GNAL: variants seen among roughly 807,000 people sequenced by gnomAD.
GNAL encodes the protein G protein subunit alpha L.
Under a neutral mutation model 55.1 loss-of-function variants are expected in GNAL, and 18 were observed. That is an observed-to-expected ratio of 0.33 (90% CI 0.23 to 0.48). The LOEUF is 0.48. Among genes scored for constraint, GNAL ranks in the 20% least tolerant of loss-of-function variants. GNAL has a pLI of 0.99. For synonymous variants in GNAL, 253 were observed against 237.0 expected, an observed-to-expected ratio of 1.07 and a Z score of -0.62; for missense variants, 412 against 614.1, an observed-to-expected ratio of 0.67 and a Z score of 3.48.
At chr18:11,744,319 A>G (rs952426046) in intron 1 of GNAL, among the ~76,000 whole-genome samples, 3 of 152,246 alleles carry the variant, frequency 2.0e-5, no homozygotes, top group Non-Finnish European at 4.4e-5. Context: ...TTATTTCAAT[A>G]CATTCTAAAA....
rs749198189 is a variant in GNAL, at chr18:11,705,750, C to CTT, written c.376+15831_376+15832dup. Among the ~76,000 whole-genome samples, 241 of 118,326 alleles carry CTT rather than the reference C, an allele frequency of 2.0e-3. 2 individuals carry two copies. Among genetic ancestry groups the CTT allele is most frequent in the African/African-American group, 4.5e-3 (145 of 31,900 alleles). The allele number at this position is 118,326 out of a possible 152,430, so 77.6% of individuals were successfully genotyped here. On this transcript the variant is annotated intron_variant, in intron 1 of 11. Coordinates refer to ENST00000334049, the MANE Select transcript of GNAL (RefSeq NM_182978.4). Reference sequence around the variant, plus strand: ...ATATACCTGCTGGACATTTCTATGTCTTTTTTTTTTTTTTTTTTTTTCTGA... The same window carrying CTT: ...ATATACCTGCTGGACATTTCTATGTCTTTTTTTTTTTTTTTTTTTTTTTCTGA...
chr18:11,734,432 C>T (rs1024337582), intron 1 of GNAL, among the ~76,000 whole-genome samples: 1 of 151,892 alleles, frequency 6.6e-6, no homozygotes, highest in African/African-American at 2.4e-5. Flanking sequence ...TGACCCACCG[C>T]GCCGGGTGTA....
At chr18:11,880,378 G>A (rs1041348595) in intron 11 of GNAL, among the ~76,000 whole-genome samples, 1 of 151,800 alleles carries the variant, frequency 6.6e-6, no homozygotes, top group African/African-American at 2.4e-5. Context: ...AGACCAGCCT[G>A]GCCAACATGG....
intron 1 of GNAL, among the ~76,000 whole-genome samples, chr18:11,713,014 G>A (rs1006543016): frequency 2.0e-5 from 3 of 152,188 alleles, no homozygotes; most frequent in Admixed American, 2.0e-4. Flanking sequence ...ACCATATGGG[G>A]CAACTGCGCT....
intron 4 of GNAL, among the ~76,000 whole-genome samples, chr18:11,800,693 G>A (rs913523112): frequency 2.0e-5 from 3 of 152,148 alleles, no homozygotes; most frequent in Admixed American, 2.0e-4. Flanking sequence ...GGGGCCAGGC[G>A]GCCTCTGGGA....
Position 11,885,366 on chromosome 18 carries a change from T to C in GNAL, c.*4231T>C. 1 of 337,654 alleles carries C rather than the reference T, an allele frequency of 3.0e-6. No homozygotes were observed. The highest frequency in any genetic ancestry group is 3.6e-5 in the South Asian group (1 of 27,438). 20.9% of individuals were successfully genotyped at this position (337,654 alleles called of 1,614,324 possible). On this transcript the variant is annotated 3_prime_UTR_variant, in exon 12 of 12. Transcript: ENST00000334049. Reference sequence around the variant, plus strand: ...TGGCTGAGTATAGCTAATGAATAAATGGTTGTTTCTTTAGAAAATTAAACA... The same window carrying C: ...TGGCTGAGTATAGCTAATGAATAAACGGTTGTTTCTTTAGAAAATTAAACA...
At chr18:11,778,786 T>G (rs1396746525) in intron 4 of GNAL, among the ~76,000 whole-genome samples, 1 of 152,078 alleles carries the variant, frequency 6.6e-6, no homozygotes. Flanking sequence ...TTATAGATAG[T>G]AACCTTATCT....
intron 9 of GNAL, among the ~76,000 whole-genome samples, chr18:11,871,972 A>G (rs2036408200): frequency 1.3e-5 from 2 of 152,256 alleles, no homozygotes; most frequent in Admixed American, 1.3e-4. Flanking sequence ...ATGAAAATGC[A>G]AAGTGTCAAA....
At chr18:11,695,922 GCACACACACACACA>G (rs10661294) in intron 1 of GNAL, among the ~76,000 whole-genome samples, 2 of 136,052 alleles carry the variant, frequency 1.5e-5, no homozygotes, top group Non-Finnish European at 3.1e-5. Flanking sequence ...ATGCACGCAT[GCACACACACACACA>G]CACACACACA....
chr18:11,861,543 A>G (rs2036137840), intron 5 of GNAL, among the ~76,000 whole-genome samples: 1 of 152,214 alleles, frequency 6.6e-6, no homozygotes, highest in African/African-American at 2.4e-5. Context: ...GAAGATAAAT[A>G]ACAACAGATC....
At chr18:11,858,618 G>T (rs1373824807) in intron 5 of GNAL, among the ~76,000 whole-genome samples, 4 of 152,180 alleles carry the variant, frequency 2.6e-5, no homozygotes, top group Admixed American at 2.0e-4. Context: ...AAGGCAGAAG[G>T]CTGGCAGAAA....
intron 8 of GNAL, 33 bp downstream of exon 8, chr18:11,867,259 A>C (rs994961450): frequency 1.0e-5 from 14 of 1,337,262 alleles, no homozygotes; most frequent in Non-Finnish European, 1.4e-5. Context: ...AGAAAATAGG[A>C]GTGAATTCTA....
At chr18:11,880,059 C>T (rs1376606293) in intron 11 of GNAL, among the ~76,000 whole-genome samples, 1 of 150,620 alleles carries the variant, frequency 6.6e-6, no homozygotes, top group African/African-American at 2.4e-5. Context: ...GAGTTCAAGA[C>T]CAGCCTGACC....
intron 1 of GNAL, among the ~76,000 whole-genome samples, chr18:11,695,143 T>C (rs1394693553): frequency 1.3e-5 from 2 of 152,192 alleles, no homozygotes; most frequent in Non-Finnish European, 1.5e-5. Context: ...GTGCCCTGTC[T>C]AAAAGGGACA....
chr18:11,709,137 C>G (rs936942890), intron 1 of GNAL, among the ~76,000 whole-genome samples: 7 of 152,094 alleles, frequency 4.6e-5, no homozygotes, highest in African/African-American at 1.4e-4. Context: ...TTTCTGGACT[C>G]TCTATTCTCT....
At chr18:11,759,977 G>A (rs1385862840) in intron 4 of GNAL, among the ~76,000 whole-genome samples, 2 of 151,908 alleles carry the variant, frequency 1.3e-5, no homozygotes, top group Non-Finnish European at 2.9e-5. Context: ...CTCTACTTGG[G>A]TTCCCTGCAC....
chr18:11,879,898 T>A (rs2036623267), intron 11 of GNAL, among the ~76,000 whole-genome samples: 1 of 152,208 alleles, frequency 6.6e-6, no homozygotes, highest in South Asian at 2.1e-4. Flanking sequence ...ACTGCCCCTG[T>A]GTGGAGGCCG....
chr18:11,690,905 T>C, intron 1 of GNAL, among the ~76,000 whole-genome samples: 1 of 151,050 alleles, frequency 6.6e-6, no homozygotes, highest in South Asian at 2.1e-4. Flanking sequence ...ATGTGAATAG[T>C]GCTGCAATAA....
chr18:11,785,282 T>G (rs2034025790), intron 4 of GNAL, among the ~76,000 whole-genome samples: 1 of 152,192 alleles, frequency 6.6e-6, no homozygotes, highest in Non-Finnish European at 1.5e-5. Context: ...GATTCTGCAC[T>G]CTTTCCCATG....
Sources: allele counts gnomAD v4.1 joint callset (sites outside exome capture counted in the v4.1 genomes callset), GRCh38; gene constraint gnomAD v4.1.1; transcripts MANE v1.5; gene names NCBI Gene and HGNC (gene_info 2026-07-23, HGNC 2026-07-21).